PLPP1: variants seen among roughly 807,000 people sequenced by gnomAD.
The protein encoded by PLPP1 is lipid phosphate phosphohydrolase 1a.
In PLPP1, 24 loss-of-function variants were observed where a neutral mutation model predicts 31.2. The observed-to-expected ratio is 0.77, with a 90% CI of 0.56 to 1.08. The LOEUF (loss-of-function observed/expected upper bound fraction) is 1.08, where lower values mean the gene tolerates loss of function less well. Ranked by LOEUF, PLPP1 falls within the 50% of genes least tolerant of loss-of-function variation. The pLI is 0.00. For missense variants in PLPP1, 319 were observed against 342.7 expected, an observed-to-expected ratio of 0.93 and a Z score of 0.55; for synonymous variants, 146 against 126.3, an observed-to-expected ratio of 1.16 and a Z score of -1.05.
intron 4 of PLPP1, among the ~76,000 whole-genome samples, chr5:55,434,857 T>C (rs1751456466): frequency 6.6e-6 from 1 of 152,162 alleles, no homozygotes. Flanking sequence ...GCAAAGATTT[T>C]ATGGCTAAGA....
intron 4 of PLPP1, among the ~76,000 whole-genome samples, chr5:55,436,976 C>T (rs1013537256): frequency 1.3e-5 from 2 of 152,132 alleles, no homozygotes; most frequent in African/African-American, 4.8e-5. Flanking sequence ...ATAAGAGATC[C>T]AGGGGAGCTC....
chr5:55,468,173 C>A, intron 2 of PLPP1, 24 bp from the exon 3 acceptor site: 1 of 1,539,506 alleles, frequency 6.5e-7, no homozygotes, highest in Non-Finnish European at 8.8e-7. Flanking sequence ...AGAAAAATAA[C>A]ATGTTAAAGT....
intron 1 of PLPP1, among the ~76,000 whole-genome samples, chr5:55,516,007 C>T (rs1036018738): frequency 1.3e-5 from 2 of 152,110 alleles, no homozygotes; most frequent in African/African-American, 4.8e-5. Context: ...TCCTCCCCAT[C>T]CCCCTTCCTA....
chr5:55,500,562 G>C (rs1753117993), intron 1 of PLPP1, among the ~76,000 whole-genome samples: 1 of 152,064 alleles, frequency 6.6e-6, no homozygotes, highest in African/African-American at 2.4e-5. Context: ...ATTTTCTACT[G>C]TATATACTTC....
At chr5:55,524,407 G>C (rs1753737410) in intron 1 of PLPP1, among the ~76,000 whole-genome samples, 1 of 152,196 alleles carries the variant, frequency 6.6e-6, no homozygotes, top group Admixed American at 6.5e-5. Flanking sequence ...GGAGGATATA[G>C]AGAAGTATTA....
chr5:55,529,855 T>G (rs1260229113), intron 1 of PLPP1, among the ~76,000 whole-genome samples: 2 of 152,104 alleles, frequency 1.3e-5, no homozygotes, highest in Non-Finnish European at 2.9e-5. Context: ...AAAAGCAACA[T>G]AATGAAAAAT....
At chr5:55,495,393 T>G (rs976957526) in intron 1 of PLPP1, among the ~76,000 whole-genome samples, 6 of 152,116 alleles carry the variant, frequency 3.9e-5, no homozygotes, top group Non-Finnish European at 2.9e-5. Flanking sequence ...GCAAGGGCTG[T>G]GTCTGTCTTG....
chr5:55,435,462 CA>C (rs1751470470), intron 4 of PLPP1, among the ~76,000 whole-genome samples: 1 of 152,122 alleles, frequency 6.6e-6, no homozygotes, highest in Non-Finnish European at 1.5e-5. Context: ...CTGCCCATAC[CA>C]AAAAATGCTT....
At chr5:55,534,460 C>T in intron 1 of PLPP1, 112 bp downstream of exon 1, 1 of 1,149,814 alleles carries the variant, frequency 8.7e-7, no homozygotes, top group Non-Finnish European at 1.2e-6. Flanking sequence ...GTGTGTCGCC[C>T]CACAGCTGCG....
intron 5 of PLPP1, chr5:55,425,649 A>AAAAT: frequency 2.0e-6 from 1 of 490,436 alleles, no homozygotes. Flanking sequence ...TTTCACAATA[A>AAAAT]AAATACTAAG....
chr5:55,430,375 G>A (rs1312645728), intron 4 of PLPP1, among the ~76,000 whole-genome samples: 1 of 152,208 alleles, frequency 6.6e-6, no homozygotes, highest in African/African-American at 2.4e-5. Context: ...TGCCACTCCT[G>A]GGGCTCGAGG....
intron 3 of PLPP1, among the ~76,000 whole-genome samples, chr5:55,462,188 A>G (rs1752180173): frequency 6.6e-6 from 1 of 152,226 alleles, no homozygotes; most frequent in Non-Finnish European, 1.5e-5. Flanking sequence ...AAGAACTTAC[A>G]ATAGACAAAG....
chr5:55,436,726 T>C (rs953405529), intron 4 of PLPP1, among the ~76,000 whole-genome samples: 5 of 152,236 alleles, frequency 3.3e-5, no homozygotes, highest in Non-Finnish European at 7.3e-5. Flanking sequence ...GGTATGCCCA[T>C]TTTTTCTTTT....
At chr5:55,488,941 A>G (rs1157128236) in intron 1 of PLPP1, among the ~76,000 whole-genome samples, 1 of 152,126 alleles carries the variant, frequency 6.6e-6, no homozygotes, top group Non-Finnish European at 1.5e-5. Context: ...AGGCAGGAGA[A>G]TCGCTTGAAC....
chr5:55,510,241 A>G (rs1017644792), intron 1 of PLPP1, among the ~76,000 whole-genome samples: 2 of 152,250 alleles, frequency 1.3e-5, no homozygotes, highest in Non-Finnish European at 2.9e-5. Flanking sequence ...TCAAAAACGC[A>G]TTATGCTATG....
At chr5:55,482,243 G>C (rs1029744283) in intron 1 of PLPP1, among the ~76,000 whole-genome samples, 6 of 149,962 alleles carry the variant, frequency 4.0e-5, no homozygotes, top group Admixed American at 2.7e-4. Flanking sequence ...GTCAGGATAC[G>C]CATTCAATGT....
At chr5:55,482,944 T>C (rs1752700590) in intron 1 of PLPP1, among the ~76,000 whole-genome samples, 1 of 152,114 alleles carries the variant, frequency 6.6e-6, no homozygotes, top group African/African-American at 2.4e-5. Flanking sequence ...TCAAACAATG[T>C]ACCAAAAACA....
chr5:55,516,374 C>CT (rs201688471), intron 1 of PLPP1, among the ~76,000 whole-genome samples: 1 of 151,920 alleles, frequency 6.6e-6, no homozygotes, highest in African/African-American at 2.4e-5. Flanking sequence ...CCTCATCCTC[C>CT]TTTTTTTTAG....
At position 55,475,320 on chromosome 5, in the gene PLPP1, G is replaced by A. The variant is rs745373845; in HGVS notation, c.189C>T (p.Ile63=). The part of the protein sequence containing the change: ...TIPYALLGGI[I]IPFSIIVIIL... ...TTACAACGATAATACTGAATGGAATGATTATTCCACCTAATAACGCATAAG... is the reference window on the plus strand; with the variant it reads ...TTACAACGATAATACTGAATGGAATAATTATTCCACCTAATAACGCATAAG... The change falls in exon 2 of 6, where the codon ATC becomes ATT. Residue 63 remains isoleucine (I), a synonymous_variant. Coordinates refer to ENST00000307259, the MANE Select transcript of PLPP1 (RefSeq NM_003711.4). 3.7e-6 allele frequency: 6 copies of A among 1,611,614 alleles called. No individual in the cohort carries two copies. The South Asian group carries it at 6.6e-5, about 18-fold the overall frequency.
Sources: allele counts gnomAD v4.1 joint callset (sites outside exome capture counted in the v4.1 genomes callset), GRCh38; gene constraint gnomAD v4.1.1; transcripts MANE v1.5; gene names NCBI Gene and HGNC (gene_info 2026-07-23, HGNC 2026-07-21).